Variants in BIVM observed in about 807,000 individuals in gnomAD.
BIVM encodes the protein basic, immunoglobulin-like variable motif containing, also known as basic immunoglobulin-like variable motif-containing protein.
BIVM carries 31 observed loss-of-function variants against 61.4 expected under a neutral mutation model. The ratio of observed to expected loss-of-function variants is 0.51; its 90% CI spans 0.38 to 0.68. The LOEUF is 0.68. Ranked by LOEUF, BIVM falls within the 30% of genes least tolerant of loss-of-function variation. The pLI is 0.00. For synonymous variants in BIVM, 189 were observed against 210.7 expected, an observed-to-expected ratio of 0.90 and a Z score of 0.89; for missense variants, 526 against 596.0, an observed-to-expected ratio of 0.88 and a Z score of 1.22.
intron 1 of BIVM, 99 bp from the exon 2 acceptor site, chr13:102,805,207 TG>T (rs1225892397): frequency 6.6e-6 from 1 of 152,206 alleles, no homozygotes; most frequent in East Asian, 1.9e-4. Flanking sequence ...CTGCGTGTCC[TG>T]GGATGGTTCA....
At chr13:102,830,147 C>T (rs945303034) in intron 7 of BIVM, among the ~76,000 whole-genome samples, 2 of 152,142 alleles carry the variant, frequency 1.3e-5, no homozygotes, top group Non-Finnish European at 2.9e-5. Context: ...CTGATGTGCT[C>T]TTTCTCCTTT....
Position 102,828,740 on chromosome 13 carries a change from T to A in BIVM, c.902-2825T>A, listed in dbSNP as rs545406030. ...CCATGTACCAGTTGTATTTAAGATG[T>A]CAGGGGAAGCTGGCATAGTGGCTCA... is the stretch of plus-strand genomic sequence containing the variant. On this transcript the variant is annotated intron_variant, in intron 7 of 10. Transcript: ENST00000257336. Among the ~76,000 whole-genome samples, 5 of 152,274 alleles carry A rather than the reference T, an allele frequency of 3.3e-5. No individual in the cohort carries two copies. The South Asian group carries it at 1.0e-3, about 32-fold the overall frequency.
intron 7 of BIVM, among the ~76,000 whole-genome samples, chr13:102,829,008 A>G (rs1044958244): frequency 4.8e-5 from 7 of 146,200 alleles, no homozygotes; most frequent in African/African-American, 1.8e-4. Context: ...CAGCCTGGGC[A>G]TCTTTTTTTT....
chr13:102,810,013 T>A (rs1045911771), intron 3 of BIVM, among the ~76,000 whole-genome samples: 1 of 152,124 alleles, frequency 6.6e-6, no homozygotes, highest in Non-Finnish European at 1.5e-5. Flanking sequence ...GACCTCGTGA[T>A]CCGCCCGCCT....
chr13:102,835,730 G>A (rs757429418), intron 9 of BIVM, among the ~76,000 whole-genome samples: 9 of 152,066 alleles, frequency 5.9e-5, no homozygotes, highest in African/African-American at 1.9e-4. Context: ...ACGGGGTTTC[G>A]CCATGTTGGC....
chr13:102,825,375 G>A (rs960124703), intron 7 of BIVM, among the ~76,000 whole-genome samples: 4 of 152,174 alleles, frequency 2.6e-5, no homozygotes, highest in African/African-American at 9.7e-5. Flanking sequence ...TGGGATTACA[G>A]GCATGAGCTA....
chr13:102,803,367 G>T (rs568844037), intron 1 of BIVM, among the ~76,000 whole-genome samples: 2 of 152,058 alleles, frequency 1.3e-5, no homozygotes, highest in East Asian at 3.9e-4. Flanking sequence ...GCCAGGCATG[G>T]TGGCACCTGC....
intron 1 of BIVM, among the ~76,000 whole-genome samples, chr13:102,803,158 TAA>T (rs35545376): frequency 2.7e-4 from 34 of 126,260 alleles, no homozygotes; most frequent in Admixed American, 4.1e-4. Flanking sequence ...CCCTGTTTCT[TAA>T]AAAAAAAAAA....
intron 3 of BIVM, among the ~76,000 whole-genome samples, chr13:102,809,228 T>A (rs899133743): frequency 1.3e-5 from 2 of 152,254 alleles, no homozygotes; most frequent in Admixed American, 6.5e-5. Context: ...ATTACTTAAT[T>A]GGAAATATTT....
chr13:102,836,506 G>A (rs1262820090), intron 9 of BIVM, among the ~76,000 whole-genome samples: 3 of 152,186 alleles, frequency 2.0e-5, no homozygotes, highest in African/African-American at 7.2e-5. Context: ...TAGAGACAGA[G>A]TCTTGCTGTG....
intron 7 of BIVM, among the ~76,000 whole-genome samples, chr13:102,827,293 C>A (rs1025592203): frequency 6.5e-5 from 9 of 138,324 alleles, no homozygotes; most frequent in African/African-American, 2.5e-4. Flanking sequence ...TTTTTTTTAA[C>A]CTATTTGTTT....
chr13:102,821,932 GTAT>G (rs1252632896), intron 6 of BIVM, 85 bp downstream of exon 6: 1 of 1,539,010 alleles, frequency 6.5e-7, no homozygotes, highest in African/African-American at 1.4e-5. Context: ...AGTAAACCAT[GTAT>G]CCAGCTGCTG....
intron 1 of BIVM, among the ~76,000 whole-genome samples, chr13:102,803,915 A>G (rs1566443341): frequency 6.6e-6 from 1 of 152,200 alleles, no homozygotes; most frequent in Non-Finnish European, 1.5e-5. Context: ...CCAGGTACTG[A>G]GCTTCCCTCT....
intron 8 of BIVM, among the ~76,000 whole-genome samples, chr13:102,833,345 T>TTTTTTTTTTTTTTTTTA (rs71131027): frequency 6.9e-6 from 1 of 145,848 alleles, no homozygotes; most frequent in African/African-American, 2.5e-5. Flanking sequence ...TTTTTTTTTT[T>TTTTTTTTTTTTTTTTTA]GAGACAAGGC....
chr13:102,839,293 T>C (rs1426169220), intron 10 of BIVM, among the ~76,000 whole-genome samples: 1 of 152,178 alleles, frequency 6.6e-6, no homozygotes, highest in Non-Finnish European at 1.5e-5. Flanking sequence ...ATCTTGGTGT[T>C]TGAATTAGGC....
At chr13:102,838,603 C>A (rs993606291) in intron 9 of BIVM, 40 bp from the exon 10 acceptor site, 9 of 1,547,160 alleles carry the variant, frequency 5.8e-6, no homozygotes, top group Non-Finnish European at 7.9e-6. Context: ...TACTTTAGAC[C>A]TAAAGAAAAT....
Position 102,807,306 on chromosome 13 carries a change from T to C in BIVM, c.39T>C (p.Ser13=). ...NVAETERSND[S]GNGEHKSERK... Reference sequence around the variant, plus strand: ...CAGAAACAGAAAGGTCAAATGATTCTGGAAATGGTGAGCACAAATCTGAGA... The same window carrying C: ...CAGAAACAGAAAGGTCAAATGATTCCGGAAATGGTGAGCACAAATCTGAGA... Residue 13 remains serine, a synonymous_variant, in exon 3 of 11, where the codon TCT becomes TCC. Transcript: ENST00000257336. The surrounding 1 kb of genome is among the most constrained non-coding windows in gnomAD (Gnocchi z 4.0). The C allele has an allele frequency of 6.2e-7, 1 of 1,612,602 alleles. No homozygotes were observed.
At chr13:102,801,774 G>A (rs1878769179) in intron 1 of BIVM, 1 of 152,236 alleles carries the variant, frequency 6.6e-6, no homozygotes, top group Admixed American at 6.5e-5. Context: ...AGAAGTAAGT[G>A]TAAAATTGCC....
intron 8 of BIVM, among the ~76,000 whole-genome samples, chr13:102,832,688 G>A (rs2140494989): frequency 6.6e-6 from 1 of 152,252 alleles, no homozygotes; most frequent in Non-Finnish European, 1.5e-5. Flanking sequence ...ATTTGTCTGG[G>A]TTCCCCCTTT....
Sources: allele counts gnomAD v4.1 joint callset (sites outside exome capture counted in the v4.1 genomes callset), GRCh38; gene constraint gnomAD v4.1.1; non-coding constraint Gnocchi (gnomAD v3.1); transcripts MANE v1.5; gene names NCBI Gene and HGNC (gene_info 2026-07-23, HGNC 2026-07-21).